CTBP2: variants seen among roughly 807,000 people sequenced by gnomAD.
CTBP2 encodes C-terminal binding protein 2, also known as C-terminal-binding protein 2.
Under a neutral mutation model 80.3 loss-of-function variants are expected in CTBP2, and 30 were observed. The observed-to-expected ratio is 0.37, with a 90% CI of 0.28 to 0.51. The LOEUF is 0.51. Ranked by LOEUF, CTBP2 falls within the 20% of genes least tolerant of loss-of-function variation. CTBP2 has a pLI of 0.93. For missense variants in CTBP2, 1,212 were observed against 1,375.3 expected, an observed-to-expected ratio of 0.88 and a Z score of 1.88; for synonymous variants, 594 against 587.4, an observed-to-expected ratio of 1.01 and a Z score of -0.16.
At chr10:125,124,926 G>A (rs894125970) in intron 1 of CTBP2, among the ~76,000 whole-genome samples, 4 of 152,090 alleles carry the variant, frequency 2.6e-5, no homozygotes, top group African/African-American at 4.8e-5. Flanking sequence ...AAAATACACC[G>A]CTGGCATTTA....
intron 2 of CTBP2, among the ~76,000 whole-genome samples, chr10:125,056,023 G>A (rs1380289180): frequency 2.0e-5 from 3 of 152,088 alleles, no homozygotes; most frequent in Non-Finnish European, 4.4e-5. Flanking sequence ...AAACTAGCCA[G>A]GTGTGGTGGC....
At chr10:125,109,933 T>C (rs1453716134) in intron 2 of CTBP2, among the ~76,000 whole-genome samples, 1 of 152,246 alleles carries the variant, frequency 6.6e-6, no homozygotes, top group East Asian at 1.9e-4. Context: ...ATCTACTTTA[T>C]GGAGAAAAGG....
chr10:125,135,926 G>C (rs1261213512), intron 1 of CTBP2, among the ~76,000 whole-genome samples: 1 of 152,172 alleles, frequency 6.6e-6, no homozygotes, highest in Non-Finnish European at 1.5e-5. Context: ...GCGAAGTTAG[G>C]ACTTACCTGA....
chr10:125,151,104 G>A (rs1859768380), intron 1 of CTBP2, among the ~76,000 whole-genome samples: 1 of 152,134 alleles, frequency 6.6e-6, no homozygotes, highest in Non-Finnish European at 1.5e-5. Context: ...AGAAATGGTT[G>A]CTCTCTAGTT....
intron 2 of CTBP2, among the ~76,000 whole-genome samples, chr10:125,069,644 T>C (rs896644524): frequency 2.0e-5 from 3 of 152,124 alleles, no homozygotes; most frequent in African/African-American, 7.2e-5. Flanking sequence ...ACAAAATTAC[T>C]GGCTGAAAGT....
At chr10:125,035,080 C>T (rs185409813) in intron 3 of CTBP2, among the ~76,000 whole-genome samples, 5 of 152,246 alleles carry the variant, frequency 3.3e-5, no homozygotes, top group African/African-American at 7.2e-5. Context: ...CAGAAGAGCC[C>T]GCGACACAGA....
At chr10:125,013,067 C>T (rs1956106912) in intron 1 of CTBP2, among the ~76,000 whole-genome samples, 1 of 152,092 alleles carries the variant, frequency 6.6e-6, no homozygotes, top group Non-Finnish European at 1.5e-5. Context: ...GGCGATGGGC[C>T]TTCTGTCTCG....
chr10:125,015,844 C>T (rs1956421894), intron 1 of CTBP2, among the ~76,000 whole-genome samples: 1 of 152,236 alleles, frequency 6.6e-6, no homozygotes, highest in Admixed American at 6.5e-5. Flanking sequence ...AGCTGCTGCA[C>T]ACTCACTCGC....
chr10:125,157,039 C>CA (rs1861041964), intron 1 of CTBP2, among the ~76,000 whole-genome samples: 1 of 152,172 alleles, frequency 6.6e-6, no homozygotes, highest in African/African-American at 2.4e-5. Flanking sequence ...CCAAGTATGT[C>CA]ACTGGCGTGT....
intron 1 of CTBP2, among the ~76,000 whole-genome samples, chr10:125,021,523 A>T (rs1004852746): frequency 6.6e-6 from 1 of 151,602 alleles, no homozygotes; most frequent in African/African-American, 2.4e-5. Context: ...GGCCAGGTTC[A>T]GGCACTCGCT....
chr10:125,001,964 C>T (rs1016324623), intron 3 of CTBP2, among the ~76,000 whole-genome samples: 1 of 145,260 alleles, frequency 6.9e-6, no homozygotes, highest in African/African-American at 2.7e-5. Flanking sequence ...TAACACTCCG[C>T]TCACACACAG....
At chr10:125,011,510 C>T (rs114551378) in intron 1 of CTBP2, among the ~76,000 whole-genome samples, 31 of 152,316 alleles carry the variant, frequency 2.0e-4, no homozygotes, top group African/African-American at 7.5e-4. Context: ...TCTGGGTGAT[C>T]ATGTTAATAA....
intron 6 of CTBP2, 110 bp from the exon 9 acceptor site, chr10:124,993,439 C>G: frequency 8.4e-7 from 1 of 1,197,392 alleles, no homozygotes; most frequent in Non-Finnish European, 1.2e-6. Flanking sequence ...ACATAGATAG[C>G]ATGGATACAG....
At chr10:125,063,486 T>A (rs374431546) in intron 2 of CTBP2, among the ~76,000 whole-genome samples, 2 of 152,192 alleles carry the variant, frequency 1.3e-5, no homozygotes, top group East Asian at 3.9e-4. Flanking sequence ...GCGAAAGGCC[T>A]CATGCACGAT....
chr10:125,005,391 G>A (rs926617076), intron 1 of CTBP2, among the ~76,000 whole-genome samples: 5 of 152,128 alleles, frequency 3.3e-5, no homozygotes, highest in Non-Finnish European at 7.3e-5. Flanking sequence ...AAAGGCACAC[G>A]TGCACCCAGT....
In CTBP2 at chr10:125,065,001, C is replaced by T. The variant is rs1295930486; in HGVS notation, c.-101-25846G>A. Among the ~76,000 whole-genome samples, 5 of 152,338 alleles carry T rather than the reference C, an allele frequency of 3.3e-5. No individual in the cohort carries two copies. The East Asian group carries it at 7.7e-4, about 23-fold the overall frequency. Reference sequence around the variant, plus strand: ...TATGCTCTAATGATTATCTGAAACACACCCACAGGTAACCACAACTGTTTC... The same window carrying T: ...TATGCTCTAATGATTATCTGAAACATACCCACAGGTAACCACAACTGTTTC... On this transcript the variant is annotated intron_variant, in intron 2 of 10. Transcript: ENST00000337195.
At chr10:125,120,840 G>A (rs1282575321) in intron 1 of CTBP2, among the ~76,000 whole-genome samples, 2 of 152,180 alleles carry the variant, frequency 1.3e-5, no homozygotes, top group East Asian at 1.9e-4. Context: ...TAATTGCCCT[G>A]CCCATGTCAA....
In CTBP2 at chr10:125,002,983, T is replaced by G. The variant is rs796433756; in HGVS notation, c.1955A>C (p.Asp652Ala). 1 of 1,613,488 alleles carries G rather than the reference T, an allele frequency of 6.2e-7. No individual in the cohort carries two copies. Among genetic ancestry groups the G allele is most frequent in the Non-Finnish European group, 8.5e-7 (1 of 1,179,954 alleles). ...ACCGAGCTCGCCGGCAGCCTTGATG[T>G]CCACGTTGTCATAGCCACTGCCTAT... The change falls in exon 3 of 9, where the codon GAC becomes GCC. Residue 652 changes from aspartate to alanine, a missense_variant. By Grantham distance (126) the Asp-to-Ala change is moderately radical (BLOSUM62 -2). This residue lies in a region of CTBP2 where 335 missense variants were observed against 504.7 expected (regional missense o/e 0.66). Coordinates refer to ENST00000309035, the MANE Select transcript of CTBP2 (RefSeq NM_022802.3).
Position 125,003,061 on chromosome 10 carries a change from G to T in CTBP2, c.1877C>A (p.Thr626Asn), listed in dbSNP as rs751476858. Residue 626 changes from threonine to asparagine, a missense_variant, in exon 3 of 9, where the codon ACC becomes AAC. Physicochemically the swap from Thr to Asn is moderately conservative, Grantham distance 65. Transcript: ENST00000309035. The stretch of plus-strand genomic sequence containing the variant: ...CTTCTCCAGGTCCTCCCTGGTGAGG[G>T]TGATGGTGTGGTACATCATGGCGCC... 4.3e-6 allele frequency: 7 copies of T among 1,614,090 alleles called. No individual in the cohort carries two copies. In the South Asian group the frequency reaches 7.7e-5, roughly 18 times the overall value.
Sources: gnomAD v4.1 joint callset for allele counts (sites outside exome capture counted in the v4.1 genomes callset) on GRCh38, gnomAD v4.1.1 for gene constraint, gnomAD v4.1.1 regional missense constraint, MANE v1.5 for transcripts, NCBI Gene and HGNC (gene_info 2026-07-23, HGNC 2026-07-21) for gene names.